The following COMMD1 variants were observed in gnomAD, a reference collection of about 807,000 sequenced individuals.
COMMD1 encodes the protein COMM domain-containing protein 1.
In COMMD1, 10 loss-of-function variants were observed where a neutral mutation model predicts 17.2. The ratio of observed to expected loss-of-function variants is 0.58; its 90% confidence interval spans 0.36 to 0.99. The LOEUF (loss-of-function observed/expected upper bound fraction) is 0.99, where lower values mean the gene tolerates loss of function less well. COMMD1 is among the 50% of genes least tolerant of loss of function. COMMD1 has a pLI of 0.01. For missense variants in COMMD1, 270 were observed against 231.8 expected, an observed-to-expected ratio of 1.17 and a Z score of -1.07; for synonymous variants, 97 against 91.6, an observed-to-expected ratio of 1.06 and a Z score of -0.34.
intron 2 of COMMD1, among the ~76,000 whole-genome samples, chr2:62,109,552 T>G (rs1431539057): frequency 6.6e-6 from 1 of 152,268 alleles, no homozygotes; most frequent in Non-Finnish European, 1.5e-5. Flanking sequence ...TGGGATAGAA[T>G]AGATGAAGAA....
intron 1 of COMMD1, among the ~76,000 whole-genome samples, chr2:61,892,077 T>C (rs1311352157): frequency 1.3e-5 from 2 of 151,914 alleles, no homozygotes; most frequent in East Asian, 4.0e-4. Flanking sequence ...GTGATCCGCC[T>C]GCCTTGGCCT....
intron 1 of COMMD1, among the ~76,000 whole-genome samples, chr2:61,922,690 A>T (rs1670230262): frequency 6.6e-6 from 1 of 152,216 alleles, no homozygotes; most frequent in Admixed American, 6.5e-5. Context: ...ATGCAACTTG[A>T]AATTGATTAA....
chr2:62,043,171 C>T (rs1266835203), intron 2 of COMMD1, among the ~76,000 whole-genome samples: 1 of 152,154 alleles, frequency 6.6e-6, no homozygotes, highest in Non-Finnish European at 1.5e-5. Flanking sequence ...TAGCTTCAGG[C>T]AAAGGGAATA....
chr2:61,983,176 T>G (rs918438074), intron 1 of COMMD1, among the ~76,000 whole-genome samples: 2 of 151,886 alleles, frequency 1.3e-5, no homozygotes, highest in East Asian at 3.9e-4. Context: ...GATGGGAGAC[T>G]TTTTATCATG....
At chr2:62,074,704 A>G (rs1671291539) in intron 2 of COMMD1, among the ~76,000 whole-genome samples, 1 of 152,146 alleles carries the variant, frequency 6.6e-6, no homozygotes, top group Non-Finnish European at 1.5e-5. Flanking sequence ...TAAGTGGTAA[A>G]ATCATAACTA....
chr2:61,921,651 G>A (rs1670200391), intron 1 of COMMD1, among the ~76,000 whole-genome samples: 2 of 152,118 alleles, frequency 1.3e-5, no homozygotes, highest in African/African-American at 2.4e-5. Flanking sequence ...CACCGTGTTA[G>A]CCAGGATGGT....
chr2:62,109,919 CTTTT>C (rs11345736), intron 2 of COMMD1, among the ~76,000 whole-genome samples: 5 of 73,854 alleles, frequency 6.8e-5, no homozygotes, highest in Non-Finnish European at 1.2e-4. Flanking sequence ...TTATCTTGAT[CTTTT>C]TTTTTTTTTT....
chr2:62,122,674 G>A (rs558457296), intron 2 of COMMD1, among the ~76,000 whole-genome samples: 246 of 152,348 alleles, frequency 1.6e-3, no homozygotes, highest in African/African-American at 5.8e-3. Flanking sequence ...ACAAGGCAGG[G>A]TGGCCTGGGC....
intron 1 of COMMD1, among the ~76,000 whole-genome samples, chr2:61,899,171 G>C (rs1669609391): frequency 6.6e-6 from 1 of 152,110 alleles, no homozygotes; most frequent in African/African-American, 2.4e-5. Context: ...AAAAAAATAG[G>C]TGCAAGAAGG....
intron 2 of COMMD1, among the ~76,000 whole-genome samples, chr2:62,015,081 C>A (rs1669399457): frequency 6.6e-6 from 1 of 152,160 alleles, no homozygotes; most frequent in Non-Finnish European, 1.5e-5. Context: ...GCCACTGCAT[C>A]CAACCCATTC....
chr2:61,930,863 A>G (rs10205669), intron 1 of COMMD1, among the ~76,000 whole-genome samples: 16,729 of 152,024 alleles, frequency 0.11, 2,137 homozygotes, highest in African/African-American at 0.31. Context: ...GATAAGTGTT[A>G]GATTAATTAG....
At chr2:61,912,507 C>A (rs903987599) in intron 1 of COMMD1, among the ~76,000 whole-genome samples, 12 of 151,784 alleles carry the variant, frequency 7.9e-5, no homozygotes, top group African/African-American at 2.9e-4. Flanking sequence ...GAGGCCAAGG[C>A]GGGCAGATCA....
rs116754863 is a variant in COMMD1, at chr2:61,966,927, C to T, written c.181-33774C>T. ...ACAACAGTGGTTTTTAAAAATTTACCGTCAACTTGAAGTATTTTCCTTTCT... is the reference window on the plus strand; with the variant it reads ...ACAACAGTGGTTTTTAAAAATTTACTGTCAACTTGAAGTATTTTCCTTTCT... On this transcript the variant is annotated intron_variant, in intron 1 of 2. Coordinates refer to ENST00000311832, the MANE Select transcript of COMMD1 (RefSeq NM_152516.4). Among the ~76,000 whole-genome samples, 723 of 152,004 alleles carry T rather than the reference C, an allele frequency of 4.8e-3. 3 individuals are homozygous for T. Among genetic ancestry groups the T allele is most frequent in the African/African-American group, 0.017 (689 of 41,486 alleles).
At chr2:61,972,857 G>T (rs1031783193) in intron 1 of COMMD1, among the ~76,000 whole-genome samples, 1 of 152,084 alleles carries the variant, frequency 6.6e-6, no homozygotes, top group African/African-American at 2.4e-5. Context: ...TTTTAGTAGA[G>T]ACTGGGTTTC....
chr2:61,934,925 AAATTCTTAATTGGAATAG>A (rs1333807376), intron 1 of COMMD1, among the ~76,000 whole-genome samples: 1 of 152,210 alleles, frequency 6.6e-6, no homozygotes, highest in Non-Finnish European at 1.5e-5. Context: ...GCCGCCTCAT[AAATTCTTAATTGGAATAG>A]ATTCCTGTAA....
intron 2 of COMMD1, among the ~76,000 whole-genome samples, chr2:62,104,657 A>T (rs35103291): frequency 6.7e-6 from 1 of 149,718 alleles, no homozygotes; most frequent in African/African-American, 2.5e-5. Flanking sequence ...AAAAAAAACA[A>T]TAACAACAAC....
chr2:62,092,030 G>A (rs1014670236), intron 2 of COMMD1, among the ~76,000 whole-genome samples: 12 of 152,146 alleles, frequency 7.9e-5, no homozygotes, highest in African/African-American at 2.7e-4. Flanking sequence ...CAAATGATAT[G>A]GGCTTTGCCT....
chr2:62,007,572 A>G (rs950501586), intron 2 of COMMD1, among the ~76,000 whole-genome samples: 12 of 152,182 alleles, frequency 7.9e-5, no homozygotes, highest in Non-Finnish European at 1.5e-4. Context: ...ACTTTTCTAT[A>G]TTTAGATATG....
intron 1 of COMMD1, among the ~76,000 whole-genome samples, chr2:61,945,899 C>T (rs2103651131): frequency 6.6e-6 from 1 of 152,300 alleles, no homozygotes; most frequent in East Asian, 1.9e-4. Context: ...GCAGATTAAA[C>T]TTCCAGGTAG....
Sources: allele counts gnomAD v4.1 joint callset (sites outside exome capture counted in the v4.1 genomes callset), GRCh38; gene constraint gnomAD v4.1.1; transcripts MANE v1.5; gene names NCBI Gene and HGNC (gene_info 2026-07-23, HGNC 2026-07-21).